Variants in UBAP2 observed in about 807,000 individuals in gnomAD.
UBAP2 encodes the protein ubiquitin-associated protein 2.
UBAP2 carries 75 observed loss-of-function variants against 139.6 expected under a neutral mutation model. That is an observed-to-expected ratio of 0.54 (90% confidence interval 0.45 to 0.65). The LOEUF is 0.65. Among genes scored for constraint, UBAP2 ranks in the 30% least tolerant of loss-of-function variants. The pLI, the probability that UBAP2 is intolerant of heterozygous loss-of-function variation, is 0.00. For synonymous variants in UBAP2, 526 were observed against 526.2 expected, an observed-to-expected ratio of 1.00 and a Z score of 0.01; for missense variants, 1,368 against 1,369.6, an observed-to-expected ratio of 1.00 and a Z score of 0.02.
In UBAP2 at chr9:34,035,500, T is replaced by TAAAAAAAAA. The variant is rs1202143092; in HGVS notation, c.-42+13316_-42+13324dup. On this transcript the variant is annotated intron_variant, in intron 1 of 28. Transcript: ENST00000379238. ...CTGGGTGACAGAGCGAGACTCCATCTAAAAAAAAAAAAAAATATATATATA... is the reference window on the plus strand; with the variant it reads ...CTGGGTGACAGAGCGAGACTCCATCTAAAAAAAAAAAAAAAAAAAAAAAATATATATATA... 9.0e-4 allele frequency among the ~76,000 whole-genome samples: 33 copies of TAAAAAAAAA among 36,658 alleles called. 4 individuals carry two copies. The South Asian group carries it at 0.021, about 23-fold the overall frequency. The allele number at this position is 36,658 out of a possible 152,430, so 24.0% of individuals were successfully genotyped here. A position where few individuals can be genotyped will look rare whatever the true frequency, so the allele number is the denominator to read the frequency against.
intron 6 of UBAP2, among the ~76,000 whole-genome samples, chr9:33,982,540 CTA>C (rs139405776): frequency 0.051 from 7,743 of 152,206 alleles, 280 homozygotes; most frequent in Middle Eastern, 0.099. Context: ...TTTAAATGGA[CTA>C]TGTTTTTGAT....
At chr9:33,970,784 A>G (rs143412843) in intron 8 of UBAP2, among the ~76,000 whole-genome samples, 1 of 151,944 alleles carries the variant, frequency 6.6e-6, no homozygotes, top group Non-Finnish European at 1.5e-5. Flanking sequence ...ATTGTGTTAA[A>G]TTATGTTTCT....
At chr9:33,944,737 TTTCCA>T in intron 13 of UBAP2, 98 bp from the exon 14 acceptor site, 10 of 1,383,362 alleles carry the variant, frequency 7.2e-6, no homozygotes, top group Non-Finnish European at 9.8e-6. Context: ...CTCCAAATCA[TTTCCA>T]GTTGAATTTC....
chr9:33,964,750 A>C (rs2131024315), intron 8 of UBAP2, among the ~76,000 whole-genome samples: 1 of 152,158 alleles, frequency 6.6e-6, no homozygotes, highest in East Asian at 1.9e-4. Flanking sequence ...ACATCAGTGG[A>C]GGTATTAATA....
chr9:33,926,609 C>G lies in UBAP2; in HGVS notation c.2511+8G>C, dbSNP rs1247007939. ...CCCTCTGCTCCGACCAGTCCATACC[C>G]CACTCACCACTGGCAGCCGTGACTG... On this transcript the variant is annotated splice_region_variant and intron_variant, in intron 22 of 28. Transcript: ENST00000379238. 1.2e-6 allele frequency: 2 copies of G among 1,614,190 alleles called. No homozygotes were observed. The highest frequency in any genetic ancestry group is 1.7e-6 in the Non-Finnish European group (2 of 1,180,022).
chr9:33,980,056 G>A (rs1402275465), intron 6 of UBAP2, among the ~76,000 whole-genome samples: 1 of 151,610 alleles, frequency 6.6e-6, no homozygotes, highest in African/African-American at 2.4e-5. Context: ...CAGCCTGGGC[G>A]ACAGAGACAG....
chr9:33,968,594 C>T (rs147066957), intron 8 of UBAP2: 11 of 307,880 alleles, frequency 3.6e-5, no homozygotes, highest in African/African-American at 6.5e-5. Flanking sequence ...TAATCATGAA[C>T]GAATATTGAA....
chr9:34,017,926 CAA>C (rs796397170), intron 1 of UBAP2, among the ~76,000 whole-genome samples: 9 of 116,360 alleles, frequency 7.7e-5, no homozygotes, highest in Admixed American at 2.7e-4. Flanking sequence ...GACTCCGTCT[CAA>C]AAAAAAAAAA....
At chr9:33,988,331 G>C (rs1332216351) in intron 5 of UBAP2, among the ~76,000 whole-genome samples, 1 of 152,090 alleles carries the variant, frequency 6.6e-6, no homozygotes, top group African/African-American at 2.4e-5. Context: ...GAGTCTCAGG[G>C]TGATATGTTA....
chr9:34,030,238 G>A (rs1159379645), intron 1 of UBAP2, among the ~76,000 whole-genome samples: 4 of 151,994 alleles, frequency 2.6e-5, no homozygotes, highest in South Asian at 2.1e-4. Context: ...GGGGTCAGGA[G>A]ATCGAGACCA....
chr9:34,039,235 G>A (rs1037697123), intron 1 of UBAP2, among the ~76,000 whole-genome samples: 6 of 150,086 alleles, frequency 4.0e-5, no homozygotes, highest in African/African-American at 1.5e-4. Context: ...GGGGAGTTGG[G>A]GGGCGCCTCC....
At chr9:33,924,986 G>A (rs1161994414) in intron 22 of UBAP2, among the ~76,000 whole-genome samples, 1 of 152,226 alleles carries the variant, frequency 6.6e-6, no homozygotes, top group Non-Finnish European at 1.5e-5. Context: ...GTGGCCCAAG[G>A]AAGCCAAAAC....
At chr9:34,040,527 C>G (rs1208586393) in intron 1 of UBAP2, among the ~76,000 whole-genome samples, 14 of 152,106 alleles carry the variant, frequency 9.2e-5, no homozygotes, top group Non-Finnish European at 1.5e-5. Context: ...GGGAAGATCA[C>G]TTGAGCCCAG....
intron 6 of UBAP2, 47 bp downstream of exon 6, chr9:33,986,713 T>C: frequency 1.3e-6 from 2 of 1,529,164 alleles, no homozygotes; most frequent in Non-Finnish European, 1.8e-6. Context: ...ACTGCCTGCT[T>C]CTTCCCCCTA....
intron 1 of UBAP2, among the ~76,000 whole-genome samples, chr9:34,035,996 C>T (rs72729346): frequency 0.068 from 10,313 of 152,122 alleles, 493 homozygotes; most frequent in Non-Finnish European, 0.099. Flanking sequence ...GAGTAAGACC[C>T]TGTCTCAAAC....
chr9:33,932,783 C>T (rs1031924722), intron 18 of UBAP2, among the ~76,000 whole-genome samples, 155 bp from the exon 19 acceptor site: 1 of 152,184 alleles, frequency 6.6e-6, no homozygotes, highest in Non-Finnish European at 1.5e-5. Context: ...CCACAGAGCC[C>T]AGTGATGGGG....
intron 13 of UBAP2, among the ~76,000 whole-genome samples, chr9:33,945,280 C>T (rs1299542901): frequency 1.3e-5 from 2 of 152,084 alleles, no homozygotes; most frequent in Admixed American, 6.6e-5. Flanking sequence ...AGGCAGATCA[C>T]GAAGTCAGGA....
chr9:33,976,823 C>A (rs1191878878), intron 6 of UBAP2, among the ~76,000 whole-genome samples: 1 of 150,050 alleles, frequency 6.7e-6, no homozygotes. Context: ...ATGGTGAAAT[C>A]CCATCTCTAC....
At chr9:34,042,007 A>G (rs1827139204) in intron 1 of UBAP2, among the ~76,000 whole-genome samples, 1 of 152,140 alleles carries the variant, frequency 6.6e-6, no homozygotes, top group Non-Finnish European at 1.5e-5. Context: ...CCTGAGCAAC[A>G]GACTGAGACC....
Sources: allele counts gnomAD v4.1 joint callset (sites outside exome capture counted in the v4.1 genomes callset), GRCh38; gene constraint gnomAD v4.1.1; transcripts MANE v1.5; gene names NCBI Gene and HGNC (gene_info 2026-07-23, HGNC 2026-07-21).